ARHGAP21: variants seen among roughly 807,000 people sequenced by gnomAD.
The protein encoded by ARHGAP21 is rho GTPase-activating protein 21.
Under a neutral mutation model 164.6 loss-of-function variants are expected in ARHGAP21, and 38 were observed. That is an observed-to-expected ratio of 0.23 (90% CI 0.18 to 0.30). The LOEUF (loss-of-function observed/expected upper bound fraction) is 0.30, where lower values mean the gene tolerates loss of function less well. Ranked by LOEUF, ARHGAP21 falls within the 10% of genes least tolerant of loss-of-function variation. ARHGAP21 has a pLI of 1.00. For missense variants in ARHGAP21, 1,822 were observed against 2,370.7 expected (o/e 0.77, Z 4.81); for synonymous variants, 766 against 857.9 (o/e 0.89, Z 1.87).
In ARHGAP21 at chr10:24,601,910, C is replaced by T. The variant is rs1592977042; in HGVS notation, c.2847+68G>A. The T allele has an allele frequency of 2.2e-6, 3 of 1,379,816 alleles. No homozygotes were observed. The East Asian group carries it at 8.0e-5, about 37-fold the overall frequency. The allele number at this position is 1,379,816 out of a possible 1,614,324, so 85.5% of individuals were successfully genotyped here. On this transcript the variant is annotated intron_variant, in intron 13 of 25. Coordinates refer to ENST00000396432, the MANE Select transcript of ARHGAP21 (RefSeq NM_020824.4). Reference sequence around the variant, plus strand: ...TGGATATCATGCCATTTTATGTATACAGGCTTTATGGTTTATTTGTCAGGG... The same window carrying T: ...TGGATATCATGCCATTTTATGTATATAGGCTTTATGGTTTATTTGTCAGGG...
In ARHGAP21 at chr10:24,621,314, C is replaced by T. The variant is rs758363664; in HGVS notation, c.581G>A (p.Arg194His). 7.0e-5 allele frequency: 113 copies of T among 1,610,372 alleles called. No homozygotes were observed. Among genetic ancestry groups the T allele is most frequent in the South Asian group, 6.9e-4 (62 of 90,444 alleles). Residue 194 changes from arginine (R) to histidine (H), a missense_variant, in exon 9 of 26, where the codon CGC (arginine) becomes CAC (histidine). Arg to His is a conservative substitution (Grantham distance 29). Coordinates refer to ENST00000396432, the MANE Select transcript of ARHGAP21 (RefSeq NM_020824.4). The stretch of plus-strand genomic sequence containing the variant: ...GATTGGTGGAGGTTCAGGTATATTG[C>T]GGGCATTGCCGCTATAAGCTTCGTT... ...KGNEAYSGNA[R>H]NIPEPPPICY... is the part of the protein sequence containing the mutation.
intron 2 of ARHGAP21, among the ~76,000 whole-genome samples, chr10:24,678,700 G>A (rs1295683340): frequency 1.3e-5 from 2 of 151,974 alleles, no homozygotes; most frequent in African/African-American, 4.8e-5. Context: ...TTGTTTGTTT[G>A]TTTGTTTTTG....
rs150921523 is a variant in ARHGAP21, at chr10:24,619,745, C to T, written c.2150G>A (p.Ser717Asn). The T allele has an allele frequency of 3.1e-6, 5 of 1,614,128 alleles. No individual in the cohort carries two copies. Among genetic ancestry groups the T allele is most frequent in the African/African-American group, 1.3e-5 (1 of 75,036 alleles). ...LPVSQRNQDL[S>N]LQEAETEQSD... is the part of the protein sequence containing the mutation. ...TTGCTCAGTTTCAGCCTCTTGTAAACTTAAATCTTGATTCCTTTGACTGAC... is the reference window on the plus strand; with the variant it reads ...TTGCTCAGTTTCAGCCTCTTGTAAATTTAAATCTTGATTCCTTTGACTGAC... The change falls in exon 9 of 26, where the codon AGT becomes AAT. Residue 717 changes from serine (S) to asparagine (N), a missense_variant. Physicochemically the swap from Ser to Asn is conservative, Grantham distance 46. Coordinates refer to ENST00000396432, the MANE Select transcript of ARHGAP21 (RefSeq NM_020824.4).
At chr10:24,694,412 A>G (rs1001067442) in intron 2 of ARHGAP21, among the ~76,000 whole-genome samples, 4 of 152,206 alleles carry the variant, frequency 2.6e-5, no homozygotes, top group African/African-American at 9.6e-5. Context: ...CCGTGCCTAG[A>G]CTGTGCAAAT....
At chr10:24,661,992 A>C (rs1221123278) in intron 4 of ARHGAP21, among the ~76,000 whole-genome samples, 1 of 152,160 alleles carries the variant, frequency 6.6e-6, no homozygotes. Context: ...GCAAACTCAC[A>C]CTTGGAAAGC....
chr10:24,699,452 G>A (rs1843451804), intron 2 of ARHGAP21, among the ~76,000 whole-genome samples: 1 of 151,960 alleles, frequency 6.6e-6, no homozygotes, highest in Admixed American at 6.6e-5. Context: ...AGCCTCCCGA[G>A]TAGGTGGGAT....
At chr10:24,668,072 T>C (rs1012755699) in intron 3 of ARHGAP21, among the ~76,000 whole-genome samples, 1 of 152,206 alleles carries the variant, frequency 6.6e-6, no homozygotes, top group Non-Finnish European at 1.5e-5. Flanking sequence ...TTACAAGTAT[T>C]GTATCATTTA....
intron 12 of ARHGAP21, among the ~76,000 whole-genome samples, chr10:24,602,634 TA>T: frequency 6.6e-6 from 1 of 152,154 alleles, no homozygotes; most frequent in East Asian, 1.9e-4. Context: ...TCTAGGTCAT[TA>T]AGGGTCTTCT....
chr10:24,646,854 A>C (rs1837620577), intron 4 of ARHGAP21, among the ~76,000 whole-genome samples: 1 of 152,236 alleles, frequency 6.6e-6, no homozygotes, highest in East Asian at 1.9e-4. Flanking sequence ...TATAACTGTC[A>C]ATTATAAATT....
At chr10:24,677,227 A>G (rs1841342839) in intron 2 of ARHGAP21, among the ~76,000 whole-genome samples, 1 of 152,168 alleles carries the variant, frequency 6.6e-6, no homozygotes, top group African/African-American at 2.4e-5. Context: ...CTCTAAATAA[A>G]TAAATATTAA....
rs368183701 is a variant in ARHGAP21, at chr10:24,590,143, A to G, written c.4151-841T>C. ...TTTCAGAATTAATGAGCTGAGCCCC[A>G]TGCCACGCCCCTTTTAACACATGGC... On this transcript the variant is annotated intron_variant, in intron 24 of 25. Transcript: ENST00000396432. The G allele has an allele frequency of 2.3e-4, 314 of 1,338,048 alleles. 2 individuals are homozygous for G. The African/African-American group carries it at 4.2e-3, about 18-fold the overall frequency. The allele number at this position is 1,338,048 out of a possible 1,614,324, so 82.9% of individuals were successfully genotyped here.
intron 2 of ARHGAP21, among the ~76,000 whole-genome samples, chr10:24,683,636 T>A (rs533344065): frequency 1.3e-5 from 2 of 152,238 alleles, no homozygotes; most frequent in East Asian, 3.9e-4. Flanking sequence ...TATAGTATAA[T>A]GCCAGAAGAT....
chr10:24,689,842 A>G (rs1291147018), intron 2 of ARHGAP21, among the ~76,000 whole-genome samples: 6 of 147,838 alleles, frequency 4.1e-5, no homozygotes, highest in Non-Finnish European at 5.9e-5. Flanking sequence ...ATGTGTATAT[A>G]TATGTATATA....
At chr10:24,589,453 A>G in intron 24 of ARHGAP21, 151 bp from the exon 25 acceptor site, 1 of 613,378 alleles carries the variant, frequency 1.6e-6, no homozygotes, top group Admixed American at 3.9e-5. Context: ...GAGCTCACAA[A>G]GATGCAAGCT....
At chr10:24,662,154 T>C (rs567709666) in intron 4 of ARHGAP21, among the ~76,000 whole-genome samples, 1 of 152,352 alleles carries the variant, frequency 6.6e-6, no homozygotes, top group Admixed American at 6.5e-5. Flanking sequence ...CTCCTTGACC[T>C]TTCTCCATGC....
At position 24,595,054 on chromosome 10, in the gene ARHGAP21, TTTCACAATGGA is replaced by T; in HGVS notation, c.3787-26_3787-16del. The T allele has an allele frequency of 6.2e-7, 1 of 1,610,052 alleles. No individual in the cohort carries two copies. Among genetic ancestry groups the T allele is most frequent in the Non-Finnish European group, 8.5e-7 (1 of 1,177,446 alleles). On this transcript the variant is annotated splice_polypyrimidine_tract_variant and intron_variant, in intron 20 of 25. Transcript: ENST00000396432. ...AAATCGTGAATCTGAAACAGATTATTTTCACAATGGATTCAGAGGCTGAATTTTAGTTGTAT... is the reference window on the plus strand; with the variant it reads ...AAATCGTGAATCTGAAACAGATTATTTTCAGAGGCTGAATTTTAGTTGTAT...
intron 2 of ARHGAP21, among the ~76,000 whole-genome samples, chr10:24,706,312 A>C (rs1366734024): frequency 1.3e-5 from 2 of 152,176 alleles, no homozygotes; most frequent in African/African-American, 4.8e-5. Flanking sequence ...TTAAGAATTA[A>C]CTTAATTCTT....
chr10:24,636,347 T>A (rs1251940923), intron 4 of ARHGAP21, among the ~76,000 whole-genome samples: 1 of 152,128 alleles, frequency 6.6e-6, no homozygotes, highest in Non-Finnish European at 1.5e-5. Flanking sequence ...CCTGGGAATA[T>A]GTTAGGAATG....
intron 9 of ARHGAP21, among the ~76,000 whole-genome samples, chr10:24,618,546 G>C (rs1056846157): frequency 6.6e-6 from 1 of 152,192 alleles, no homozygotes; most frequent in African/African-American, 2.4e-5. Context: ...AGACCCAAAT[G>C]TCATGAGGAA....
Sources: gnomAD v4.1 joint callset for allele counts (sites outside exome capture counted in the v4.1 genomes callset) on GRCh38, gnomAD v4.1.1 for gene constraint, MANE v1.5 for transcripts, NCBI Gene and HGNC (gene_info 2026-07-23, HGNC 2026-07-21) for gene names.